Variants in GRIP1 observed in about 807,000 individuals in gnomAD.
The protein encoded by GRIP1 is glutamate receptor-interacting protein 1.
Under a neutral mutation model 129.9 loss-of-function variants are expected in GRIP1, and 45 were observed. That is an observed-to-expected ratio of 0.35 (90% CI 0.27 to 0.44). GRIP1 has a LOEUF of 0.44. GRIP1 is among the 20% of genes least tolerant of loss of function. The pLI, the probability that GRIP1 is intolerant of heterozygous loss-of-function variation, is 1.00. For missense variants in GRIP1, 1,196 were observed against 1,396.8 expected (o/e 0.86, Z 2.29); for synonymous variants, 530 against 520.8 (o/e 1.02, Z -0.24).
chr12:66,527,615 G>A (rs1217558447), intron 5 of GRIP1, among the ~76,000 whole-genome samples: 1 of 152,008 alleles, frequency 6.6e-6, no homozygotes, highest in African/African-American at 2.4e-5. Context: ...CATGGCACAT[G>A]TATACATATG....
intron 1 of GRIP1, among the ~76,000 whole-genome samples, chr12:66,690,596 T>C (rs552327354): frequency 9.2e-5 from 14 of 151,656 alleles, no homozygotes; most frequent in Non-Finnish European, 1.9e-4. Flanking sequence ...CCAAGCACGA[T>C]GGCTCATGTC....
At chr12:66,962,354 A>G (rs960702032) in intron 1 of GRIP1, among the ~76,000 whole-genome samples, 1 of 152,210 alleles carries the variant, frequency 6.6e-6, no homozygotes, top group African/African-American at 2.4e-5. Context: ...GAATCGAGAC[A>G]GGAAAAATGG....
intron 1 of GRIP1, among the ~76,000 whole-genome samples, chr12:66,825,647 C>T (rs2039397490): frequency 6.6e-6 from 1 of 152,164 alleles, no homozygotes; most frequent in African/African-American, 2.4e-5. Flanking sequence ...AATGAATGTA[C>T]AGTGCCTGGC....
intron 1 of GRIP1, among the ~76,000 whole-genome samples, chr12:66,986,243 G>A (rs1053379262): frequency 3.3e-5 from 5 of 152,204 alleles, no homozygotes; most frequent in African/African-American, 9.6e-5. Context: ...CTGTAAACTA[G>A]TTCAACCATT....
At chr12:66,710,818 A>T (rs978562370) in intron 1 of GRIP1, among the ~76,000 whole-genome samples, 5 of 151,956 alleles carry the variant, frequency 3.3e-5, no homozygotes, top group African/African-American at 1.2e-4. Context: ...AAGGCCTCTT[A>T]GGGGGAAGAG....
intron 15 of GRIP1, among the ~76,000 whole-genome samples, chr12:66,408,252 G>A (rs542793294): frequency 1.3e-5 from 2 of 152,282 alleles, no homozygotes; most frequent in African/African-American, 4.8e-5. Context: ...GCCGAGGTGG[G>A]TGGATCACTT....
intron 2 of GRIP1, among the ~76,000 whole-genome samples, chr12:66,543,923 C>G (rs888116701): frequency 3.3e-5 from 5 of 152,038 alleles, no homozygotes; most frequent in Non-Finnish European, 7.4e-5. Context: ...AATACTAACA[C>G]CAGGCATGTG....
At chr12:66,933,667 TG>T (rs1347997065) in intron 1 of GRIP1, among the ~76,000 whole-genome samples, 1 of 152,190 alleles carries the variant, frequency 6.6e-6, no homozygotes, top group East Asian at 1.9e-4. Context: ...TATATTTTAG[TG>T]AATAGATACA....
At chr12:66,923,797 A>G (rs1323403131) in intron 1 of GRIP1, among the ~76,000 whole-genome samples, 1 of 152,080 alleles carries the variant, frequency 6.6e-6, no homozygotes, top group Non-Finnish European at 1.5e-5. Context: ...TGTTGTATTT[A>G]TACTCCCTGA....
At chr12:66,473,817 C>G (rs1392254093) in intron 7 of GRIP1, among the ~76,000 whole-genome samples, 1 of 152,166 alleles carries the variant, frequency 6.6e-6, no homozygotes, top group African/African-American at 2.4e-5. Flanking sequence ...CAAAGAAACT[C>G]CAACCGAAGG....
intron 7 of GRIP1, among the ~76,000 whole-genome samples, chr12:66,483,450 C>G (rs1053193442): frequency 2.6e-5 from 4 of 152,148 alleles, no homozygotes; most frequent in African/African-American, 4.8e-5. Context: ...AAAGGAGACA[C>G]AGCATGAATA....
chr12:66,771,954 A>C (rs947367963), intron 1 of GRIP1, among the ~76,000 whole-genome samples: 1 of 152,234 alleles, frequency 6.6e-6, no homozygotes, highest in African/African-American at 2.4e-5. Flanking sequence ...AAAGGACCAA[A>C]GGACCACAGG....
chr12:66,699,955 T>C (rs1044342619), intron 1 of GRIP1, among the ~76,000 whole-genome samples: 3 of 152,050 alleles, frequency 2.0e-5, no homozygotes, highest in African/African-American at 7.2e-5. Context: ...AGGAACACAT[T>C]AGATACCTGA....
chr12:66,438,491 AT>A (rs1004531480), intron 13 of GRIP1, among the ~76,000 whole-genome samples: 271 of 136,708 alleles, frequency 2.0e-3, no homozygotes, highest in Admixed American at 2.2e-3. Context: ...TTCACCGAGT[AT>A]TTTTTTTTTT....
intron 1 of GRIP1, among the ~76,000 whole-genome samples, chr12:66,891,306 T>C (rs531827797): frequency 1.8e-4 from 28 of 152,290 alleles, no homozygotes; most frequent in Admixed American, 1.0e-3. Context: ...TGGGACTCAA[T>C]GGTCCAGAAC....
chr12:66,477,382 T>C (rs11543393), intron 7 of GRIP1, among the ~76,000 whole-genome samples: 41,488 of 150,586 alleles, frequency 0.28, 5,859 homozygotes, highest in Middle Eastern at 0.42. Flanking sequence ...TAAAAGAGGA[T>C]ACAAACAAAT....
At chr12:66,864,198 T>A (rs2040161462) in intron 1 of GRIP1, among the ~76,000 whole-genome samples, 1 of 152,134 alleles carries the variant, frequency 6.6e-6, no homozygotes, top group Non-Finnish European at 1.5e-5. Context: ...TTTTCTCTTT[T>A]TCTTCTTTAA....
chr12:66,590,146 G>A (rs564485463), intron 2 of GRIP1, among the ~76,000 whole-genome samples: 1 of 152,222 alleles, frequency 6.6e-6, no homozygotes, highest in African/African-American at 2.4e-5. Context: ...CATGTACCTG[G>A]AGCACAACAT....
chr12:66,679,791 T>C (rs960147736), upstream of GRIP1, among the ~76,000 whole-genome samples: 1 of 152,218 alleles, frequency 6.6e-6, no homozygotes, highest in East Asian at 1.9e-4. Flanking sequence ...TTTATTATAC[T>C]ATTTCCCAAA....
Sources: gnomAD v4.1 joint callset for allele counts (sites outside exome capture counted in the v4.1 genomes callset) on GRCh38, gnomAD v4.1.1 for gene constraint, MANE v1.5 for transcripts, NCBI Gene and HGNC (gene_info 2026-07-23, HGNC 2026-07-21) for gene names.